GALNT13: variants seen among roughly 807,000 people sequenced by gnomAD.
The protein encoded by GALNT13 is UDP-GalNAc:polypeptide N-acetylgalactosaminyltransferase 13.
Under a neutral mutation model 64.2 loss-of-function variants are expected in GALNT13, and 28 were observed. The ratio of observed to expected loss-of-function variants is 0.44; its 90% CI spans 0.32 to 0.60. The LOEUF (loss-of-function observed/expected upper bound fraction) is 0.60, where lower values mean the gene tolerates loss of function less well. GALNT13 is among the 20% of genes least tolerant of loss of function. The pLI is 0.05. For synonymous variants in GALNT13, 214 were observed against 224.6 expected (o/e 0.95, Z 0.42); for missense variants, 577 against 669.8 (o/e 0.86, Z 1.53).
the GALNT13 span, among the ~76,000 whole-genome samples, chr2:153,371,968 G>T: frequency 6.6e-6 from 1 of 152,138 alleles, no homozygotes; most frequent in African/African-American, 2.4e-5. Context: ...TTGTTGGAAG[G>T]CTCACACACC....
chr2:153,700,322 G>A, the GALNT13 span, among the ~76,000 whole-genome samples: 3 of 151,926 alleles, frequency 2.0e-5, no homozygotes, highest in South Asian at 4.2e-4. Flanking sequence ...TCTCAAACTA[G>A]GTATTGATGG....
At chr2:153,405,713 G>A in the GALNT13 span, among the ~76,000 whole-genome samples, 2 of 152,114 alleles carry the variant, frequency 1.3e-5, no homozygotes, top group Non-Finnish European at 2.9e-5. Context: ...CAAACAGGAT[G>A]AGAGAAACAT....
the GALNT13 span, among the ~76,000 whole-genome samples, chr2:153,193,706 G>T: frequency 3.3e-5 from 5 of 151,010 alleles, no homozygotes; most frequent in African/African-American, 7.3e-5. Flanking sequence ...TTTTACATTT[G>T]CATGTGCTTT....
chr2:153,834,319 A>G, the GALNT13 span, among the ~76,000 whole-genome samples: 33 of 152,264 alleles, frequency 2.2e-4, no homozygotes, highest in East Asian at 3.9e-4. Context: ...AGGAGGCCAG[A>G]TTAAACAGTA....
chr2:153,294,569 C>T, the GALNT13 span, among the ~76,000 whole-genome samples: 1 of 152,114 alleles, frequency 6.6e-6, no homozygotes, highest in Non-Finnish European at 1.5e-5. Flanking sequence ...GAATTATGAT[C>T]TCTCCCCAAA....
chr2:153,389,189 A>C, the GALNT13 span, among the ~76,000 whole-genome samples: 2 of 152,082 alleles, frequency 1.3e-5, no homozygotes, highest in African/African-American at 4.8e-5. Flanking sequence ...CTTCCCTGTT[A>C]CTAATTTGTA....
chr2:154,011,878 G>A (rs367727394), intron 3 of GALNT13, among the ~76,000 whole-genome samples: 29 of 152,194 alleles, frequency 1.9e-4, no homozygotes, highest in African/African-American at 6.5e-4. Flanking sequence ...AATTAGAATA[G>A]CAACTTCTGA....
the GALNT13 span, among the ~76,000 whole-genome samples, chr2:153,277,168 A>G: frequency 1.0e-3 from 158 of 152,216 alleles, 2 homozygotes; most frequent in Non-Finnish European, 5.4e-4. Context: ...TAGTGAGCAT[A>G]GTACCCCATA....
At chr2:153,351,273 C>T in the GALNT13 span, among the ~76,000 whole-genome samples, 6 of 152,094 alleles carry the variant, frequency 3.9e-5, no homozygotes, top group Admixed American at 2.0e-4. Context: ...TATACAATAA[C>T]GAGGCTAAAG....
chr2:153,391,267 C>T, the GALNT13 span, among the ~76,000 whole-genome samples: 1 of 151,866 alleles, frequency 6.6e-6, no homozygotes, highest in African/African-American at 2.4e-5. Context: ...GAGAATTGGC[C>T]TTAGGGAGAC....
the GALNT13 span, among the ~76,000 whole-genome samples, chr2:153,325,577 A>T: frequency 6.6e-6 from 1 of 151,904 alleles, no homozygotes; most frequent in Non-Finnish European, 1.5e-5. Flanking sequence ...TGGTTCTTTT[A>T]GTTGTGATGC....
At chr2:153,520,876 A>G in the GALNT13 span, among the ~76,000 whole-genome samples, 2 of 152,198 alleles carry the variant, frequency 1.3e-5, no homozygotes, top group South Asian at 4.1e-4. Flanking sequence ...AGATATGTAA[A>G]TCATAAATAG....
At chr2:153,197,474 G>GGT in the GALNT13 span, among the ~76,000 whole-genome samples, 1 of 152,230 alleles carries the variant, frequency 6.6e-6, no homozygotes, top group African/African-American at 2.4e-5. Flanking sequence ...TAGCTCCTTA[G>GGT]GTGTGTGTGC....
At chr2:153,568,292 G>A in the GALNT13 span, among the ~76,000 whole-genome samples, 4,597 of 152,142 alleles carry the variant, frequency 0.03, 141 homozygotes, top group East Asian at 0.15. Flanking sequence ...AACACAGCTC[G>A]CTGCAGCCTG....
In GALNT13 at chr2:154,265,584, A is replaced by T. The variant is rs183663127; in HGVS notation, c.975+6446A>T. 1.4e-3 allele frequency among the ~76,000 whole-genome samples: 210 copies of T among 152,292 alleles called. 1 individual carries two copies. The highest frequency in any genetic ancestry group is 4.2e-3 in the African/African-American group (173 of 41,570). On this transcript the variant is annotated intron_variant, in intron 8 of 12. Coordinates refer to ENST00000392825, the MANE Select transcript of GALNT13 (RefSeq NM_052917.4). ...TGTGGTGGCGGGCACCTGTAATCCC[A>T]GCTACTTGGGAGGCTGAAACAGGAG...
the GALNT13 span, among the ~76,000 whole-genome samples, chr2:153,307,554 T>C: frequency 6.6e-6 from 1 of 152,246 alleles, no homozygotes; most frequent in Non-Finnish European, 1.5e-5. Flanking sequence ...GTTATGTGTA[T>C]TTAGTCACAA....
chr2:154,272,637 C>A (rs896701891), intron 8 of GALNT13, among the ~76,000 whole-genome samples: 1 of 152,072 alleles, frequency 6.6e-6, no homozygotes, highest in African/African-American at 2.4e-5. Flanking sequence ...AGACAAGTTT[C>A]ATATCCCCTT....
At chr2:153,611,816 T>C in the GALNT13 span, among the ~76,000 whole-genome samples, 1 of 150,622 alleles carries the variant, frequency 6.6e-6, no homozygotes, top group South Asian at 2.1e-4. Flanking sequence ...TTTTAAGCCC[T>C]GCACGTATTA....
the GALNT13 span, among the ~76,000 whole-genome samples, chr2:153,403,990 A>G: frequency 2.0e-5 from 3 of 152,172 alleles, no homozygotes; most frequent in Admixed American, 6.5e-5. Context: ...CTAATCCACA[A>G]ATTAGGTCCA....
Sources: gnomAD v4.1 joint callset for allele counts (sites outside exome capture counted in the v4.1 genomes callset) on GRCh38, gnomAD v4.1.1 for gene constraint, MANE v1.5 for transcripts, NCBI Gene and HGNC (gene_info 2026-07-23, HGNC 2026-07-21) for gene names.